APBB2: variants seen among roughly 807,000 people sequenced by gnomAD.
The protein encoded by APBB2 is amyloid beta precursor protein binding family B member 2, also known as Fe65-like 1.
Under a neutral mutation model 82.5 loss-of-function variants are expected in APBB2, and 38 were observed. That is an observed-to-expected ratio of 0.46 (90% CI 0.36 to 0.60). The LOEUF is 0.60. APBB2 is among the 20% of genes least tolerant of loss of function. APBB2 has a pLI of 0.00. For missense variants in APBB2, 772 were observed against 972.3 expected (o/e 0.79, Z 2.74); for synonymous variants, 341 against 368.2 (o/e 0.93, Z 0.85).
chr4:40,895,238 G>A (rs1773338200), intron 10 of APBB2, among the ~76,000 whole-genome samples: 1 of 152,190 alleles, frequency 6.6e-6, no homozygotes, highest in African/African-American at 2.4e-5. Context: ...AGCAAACAGT[G>A]CGCTGATCCT....
intron 6 of APBB2, among the ~76,000 whole-genome samples, chr4:40,999,126 A>C (rs937587113): frequency 6.6e-6 from 1 of 152,170 alleles, no homozygotes; most frequent in Non-Finnish European, 1.5e-5. Context: ...TGAACACCGG[A>C]ATGTCTCAGG....
intron 10 of APBB2, among the ~76,000 whole-genome samples, chr4:40,911,610 T>C (rs1285554130): frequency 3.3e-5 from 5 of 152,162 alleles, no homozygotes; most frequent in South Asian, 4.1e-4. Flanking sequence ...ATCCAATCCA[T>C]GTCTGGCTTA....
intron 1 of APBB2, among the ~76,000 whole-genome samples, chr4:41,203,621 T>C (rs948140882): frequency 1.3e-5 from 2 of 152,068 alleles, no homozygotes; most frequent in Non-Finnish European, 2.9e-5. Context: ...AGAGCAGAAA[T>C]GCCACGAATA....
At chr4:41,006,691 C>G (rs1806841457) in intron 6 of APBB2, among the ~76,000 whole-genome samples, 1 of 152,146 alleles carries the variant, frequency 6.6e-6, no homozygotes, top group East Asian at 1.9e-4. Context: ...GTCTCAAACT[C>G]CTGAGCTCAG....
intron 10 of APBB2, among the ~76,000 whole-genome samples, chr4:40,919,228 G>A (rs533669745): frequency 4.6e-5 from 7 of 152,260 alleles, no homozygotes; most frequent in African/African-American, 9.6e-5. Flanking sequence ...ACACAGGCAC[G>A]CACATGCACT....
chr4:40,980,885 G>C (rs1267238819), intron 6 of APBB2, among the ~76,000 whole-genome samples: 4 of 152,150 alleles, frequency 2.6e-5, no homozygotes, highest in Admixed American at 6.5e-5. Flanking sequence ...TAAGTTTCTT[G>C]AAGTGGGATG....
At chr4:41,145,486 CAGA>C (rs892806628) in intron 1 of APBB2, among the ~76,000 whole-genome samples, 2 of 152,102 alleles carry the variant, frequency 1.3e-5, no homozygotes, top group South Asian at 2.1e-4. Flanking sequence ...CCAGCAAAAC[CAGA>C]AGAAGAAGAC....
rs1252478633 is a variant in APBB2 at position 40,813,992 on chromosome 4, T to G, written c.*2100A>C. On this transcript the variant is annotated 3_prime_UTR_variant, in exon 18 of 18. Transcript: ENST00000508593. The stretch of plus-strand genomic sequence containing the variant: ...TTTCTAAAGTAGCATAGTTTTGTCA[T>G]AACATTGGGGTGCTAAGACAATTCC... 1 of 152,240 alleles carries G rather than the reference T, an allele frequency of 6.6e-6. No homozygotes were observed. Among genetic ancestry groups the G allele is most frequent in the Non-Finnish European group, 1.5e-5 (1 of 68,040 alleles). 9.4% of individuals were successfully genotyped at this position (152,240 alleles called of 1,614,324 possible). A position where few individuals can be genotyped will look rare whatever the true frequency, so the allele number is the denominator to read the frequency against.
In APBB2 at chr4:40,982,243, AAAGAAAG is replaced by A. The variant is rs1208985885; in HGVS notation, c.835+31333_835+31339del. ...AAAGGAAAGAAAGAAAGAAAGAAAG[AAAGAAAG>A]AAAGAAAGAAAGAAAGAAAGAAAGA... On this transcript the variant is annotated intron_variant, in intron 6 of 17. Coordinates refer to ENST00000508593, the MANE Select transcript of APBB2 (RefSeq NM_004307.2). Among the ~76,000 whole-genome samples the A allele has an allele frequency of 9.5e-4, 10 of 10,554 alleles. 2 individuals carry two copies. The highest frequency in any genetic ancestry group is 1.9e-3 in the Non-Finnish European group (9 of 4,688). The allele number at this position is 10,554 out of a possible 152,430, so 6.9% of individuals were successfully genotyped here. A position where few individuals can be genotyped will look rare whatever the true frequency, so the allele number is the denominator to read the frequency against.
chr4:40,827,359 A>G (rs1339283996), intron 13 of APBB2, 140 bp from the exon 14 acceptor site: 7 of 639,312 alleles, frequency 1.1e-5, no homozygotes, highest in African/African-American at 1.9e-5. Flanking sequence ...CCACCCCTGC[A>G]TCTCTGGGGC....
chr4:41,083,580 C>A (rs1412321527), intron 3 of APBB2, among the ~76,000 whole-genome samples: 1 of 147,530 alleles, frequency 6.8e-6, no homozygotes, highest in African/African-American at 2.5e-5. Context: ...CGCAGCTACT[C>A]AGGAGGCTGA....
intron 10 of APBB2, among the ~76,000 whole-genome samples, chr4:40,902,789 GA>G (rs1724827834): frequency 6.6e-6 from 1 of 151,990 alleles, no homozygotes; most frequent in South Asian, 2.1e-4. Flanking sequence ...CTTGGCATCC[GA>G]AAGTGCTGGG....
chr4:41,068,612 T>C (rs540843588), intron 3 of APBB2, among the ~76,000 whole-genome samples: 90 of 152,164 alleles, frequency 5.9e-4, no homozygotes, highest in Middle Eastern at 3.4e-3. Flanking sequence ...TGTACCAAGA[T>C]AGAAAAGAGC....
chr4:41,104,878 C>T (rs1746647293), intron 2 of APBB2, among the ~76,000 whole-genome samples: 1 of 152,188 alleles, frequency 6.6e-6, no homozygotes, highest in South Asian at 2.1e-4. Context: ...ATATGTACCA[C>T]ATTTTCTTTC....
chr4:41,076,645 G>A (rs575937170), intron 3 of APBB2, among the ~76,000 whole-genome samples: 2 of 152,270 alleles, frequency 1.3e-5, no homozygotes, highest in South Asian at 2.1e-4. Context: ...CATCTTATGC[G>A]AGGCCACCAA....
At chr4:41,020,268 G>C (rs1811128339) in intron 5 of APBB2, among the ~76,000 whole-genome samples, 1 of 152,164 alleles carries the variant, frequency 6.6e-6, no homozygotes, top group Admixed American at 6.5e-5. Flanking sequence ...TAACCCTGCA[G>C]GTTTCCTAAC....
At chr4:41,079,295 CTT>C (rs907978611) in intron 3 of APBB2, among the ~76,000 whole-genome samples, 4 of 152,178 alleles carry the variant, frequency 2.6e-5, no homozygotes, top group African/African-American at 9.7e-5. Flanking sequence ...TAAATTATTT[CTT>C]TGCTTAAACC....
intron 1 of APBB2, among the ~76,000 whole-genome samples, chr4:41,209,789 T>C (rs188468333): frequency 2.0e-5 from 3 of 152,182 alleles, no homozygotes; most frequent in African/African-American, 4.8e-5. Context: ...AACCATTTTA[T>C]AACAAATGAA....
intron 6 of APBB2, among the ~76,000 whole-genome samples, chr4:40,966,254 G>GATACGGCGAC: frequency 6.6e-6 from 1 of 152,060 alleles, no homozygotes; most frequent in East Asian, 1.9e-4. Flanking sequence ...TCCTTTGTAT[G>GATACGGCGAC]CACGAACTGC....
Sources: allele counts gnomAD v4.1 joint callset (sites outside exome capture counted in the v4.1 genomes callset), GRCh38; gene constraint gnomAD v4.1.1; transcripts MANE v1.5; gene names NCBI Gene and HGNC (gene_info 2026-07-23, HGNC 2026-07-21).